The following KLHL29 variants were observed in gnomAD, a reference collection of about 807,000 sequenced individuals.
KLHL29 encodes the protein kelch like family member 29, also known as kelch-like protein 29.
In KLHL29, 21 loss-of-function variants were observed where a neutral mutation model predicts 80.4. That is an observed-to-expected ratio of 0.26 (90% confidence interval 0.19 to 0.38). KLHL29 has a LOEUF of 0.38. KLHL29 is among the 10% of genes least tolerant of loss of function. The pLI is 1.00. For synonymous variants in KLHL29, 511 were observed against 526.8 expected (o/e 0.97, Z 0.41); for missense variants, 867 against 1,223.9 (o/e 0.71, Z 4.35).
Position 23,530,032 on chromosome 2 carries a change from A to G in KLHL29, c.-45-32120A>G, listed in dbSNP as rs977104749. On this transcript the variant is annotated intron_variant, in intron 2 of 13. Coordinates refer to ENST00000486442, the MANE Select transcript of KLHL29 (RefSeq NM_052920.2). ...TCCGGCTCTTTCCATGTGCTCTTCA[A>G]TATGTGGCTTCAGTTCTGCAGGGCT... is the stretch of plus-strand genomic sequence containing the variant. Among the ~76,000 whole-genome samples the G allele has an allele frequency of 2.0e-5, 3 of 152,156 alleles. No homozygotes were observed. In the East Asian group the frequency reaches 5.8e-4, roughly 29 times the overall value.
chr2:23,678,225 G>A (rs958728751), intron 5 of KLHL29, among the ~76,000 whole-genome samples: 1 of 152,196 alleles, frequency 6.6e-6, no homozygotes, highest in Admixed American at 6.5e-5. Flanking sequence ...TCCAGCCCCA[G>A]GCAGAGCCTC....
At chr2:23,578,352 C>G (rs1667894555) in intron 3 of KLHL29, among the ~76,000 whole-genome samples, 1 of 152,182 alleles carries the variant, frequency 6.6e-6, no homozygotes, top group African/African-American at 2.4e-5. Context: ...CTCCCACTTT[C>G]TAACTGTGTG....
intron 6 of KLHL29, 155 bp from the exon 7 acceptor site, chr2:23,691,519 G>A (rs908151816): frequency 1.1e-5 from 7 of 623,028 alleles, no homozygotes; most frequent in African/African-American, 3.7e-5. Context: ...TTCAGATCCC[G>A]TGTCACAGCA....
At chr2:23,565,763 A>C (rs1667575400) in intron 3 of KLHL29, among the ~76,000 whole-genome samples, 1 of 152,174 alleles carries the variant, frequency 6.6e-6, no homozygotes, top group Non-Finnish European at 1.5e-5. Context: ...GAATGTATCC[A>C]CCGGGCTTCC....
intron 13 of KLHL29, among the ~76,000 whole-genome samples, chr2:23,704,230 G>A (rs1400889201): frequency 6.6e-6 from 1 of 152,226 alleles, no homozygotes; most frequent in Non-Finnish European, 1.5e-5. Context: ...TGCCCTACAG[G>A]GACAAGTGAC....
chr2:23,482,808 A>C (rs1038560107), intron 2 of KLHL29, among the ~76,000 whole-genome samples: 4 of 151,868 alleles, frequency 2.6e-5, no homozygotes, highest in Admixed American at 6.6e-5. Context: ...GTGAAACAGA[A>C]GAGTGTTGCA....
intron 1 of KLHL29, among the ~76,000 whole-genome samples, chr2:23,460,817 C>G (rs575301449): frequency 1.3e-5 from 2 of 150,786 alleles, no homozygotes; most frequent in South Asian, 4.2e-4. Flanking sequence ...AGCTCAGGAG[C>G]TTCCCGTGAA....
chr2:23,582,225 T>C (rs1346656461), intron 3 of KLHL29, among the ~76,000 whole-genome samples: 1 of 152,240 alleles, frequency 6.6e-6, no homozygotes, highest in Non-Finnish European at 1.5e-5. Flanking sequence ...GGTGGTGTGC[T>C]TTATGGTTTT....
At chr2:23,693,554 C>A in intron 8 of KLHL29, 26 bp downstream of exon 8, 1 of 1,536,780 alleles carries the variant, frequency 6.5e-7, no homozygotes, top group Non-Finnish European at 8.8e-7. Context: ...TCCCCCGCCC[C>A]TTCTCTCTGG....
At position 23,695,563 on chromosome 2, in the gene KLHL29, C is replaced by G. The variant is rs987799125; in HGVS notation, c.1543-60C>G. The stretch of plus-strand genomic sequence containing the variant: ...TGTGCAGCCCCACACCATTTCTTTC[C>G]GTCCGGGAGGTGGCTCTCTCTTGCT... On this transcript the variant is annotated intron_variant, in intron 8 of 13. Transcript: ENST00000486442. The surrounding 1 kb of genome is among the most constrained non-coding windows in gnomAD (Gnocchi z 7.6). 7 of 1,206,712 alleles carry G rather than the reference C, an allele frequency of 5.8e-6. 1 individual carries two copies. The South Asian group carries it at 1.0e-4, about 18-fold the overall frequency. 74.8% of individuals were successfully genotyped at this position (1,206,712 alleles called of 1,614,324 possible). A position where few individuals can be genotyped will look rare whatever the true frequency, so the allele number is the denominator to read the frequency against.
intron 3 of KLHL29, among the ~76,000 whole-genome samples, chr2:23,579,515 C>T (rs773420408): frequency 5.9e-5 from 9 of 152,090 alleles, no homozygotes; most frequent in Non-Finnish European, 1.3e-4. Context: ...TTCCCTCCCT[C>T]GCCATCCTCA....
intron 1 of KLHL29, among the ~76,000 whole-genome samples, chr2:23,400,501 C>T (rs533242946): frequency 6.6e-6 from 1 of 152,146 alleles, no homozygotes; most frequent in Non-Finnish European, 1.5e-5. Flanking sequence ...CAATGCTGGG[C>T]AGTATCTTAT....
intron 3 of KLHL29, among the ~76,000 whole-genome samples, chr2:23,618,654 C>T (rs997151094): frequency 6.6e-6 from 1 of 152,184 alleles, no homozygotes; most frequent in Non-Finnish European, 1.5e-5. Context: ...GATCGCGGGA[C>T]TTCTCGGCCT....
intron 5 of KLHL29, among the ~76,000 whole-genome samples, chr2:23,673,249 G>T (rs1670819158): frequency 8.3e-6 from 1 of 120,950 alleles, no homozygotes; most frequent in Non-Finnish European, 1.9e-5. Flanking sequence ...CACACCACGT[G>T]CTCACATGCA....
chr2:23,523,203 G>A lies in KLHL29; in HGVS notation c.-45-38949G>A, dbSNP rs563720271. Among the ~76,000 whole-genome samples the A allele has an allele frequency of 2.6e-5, 4 of 152,238 alleles. No individual in the cohort carries two copies. In the East Asian group the frequency reaches 5.8e-4, roughly 22 times the overall value. ...CTTTGCCACCTGGGTGCCTGTCAGCGGCAGCACGGTCCACCCCAGGGTGGG... is the reference window on the plus strand; with the variant it reads ...CTTTGCCACCTGGGTGCCTGTCAGCAGCAGCACGGTCCACCCCAGGGTGGG... On this transcript the variant is annotated intron_variant, in intron 2 of 13. Transcript: ENST00000486442.
At chr2:23,574,856 CG>C (rs1214246777) in intron 3 of KLHL29, among the ~76,000 whole-genome samples, 1 of 152,104 alleles carries the variant, frequency 6.6e-6, no homozygotes, top group Non-Finnish European at 1.5e-5. Context: ...ATGGGGGTGT[CG>C]GTCACAGGGA....
At chr2:23,555,886 G>C (rs1229623060) in intron 2 of KLHL29, among the ~76,000 whole-genome samples, 2 of 152,236 alleles carry the variant, frequency 1.3e-5, no homozygotes, top group Admixed American at 1.3e-4. Context: ...CCCCAGAGCT[G>C]GTGGATGTGG....
intron 2 of KLHL29, among the ~76,000 whole-genome samples, chr2:23,476,081 G>A (rs984004860): frequency 1.3e-5 from 2 of 152,006 alleles, no homozygotes; most frequent in African/African-American, 4.8e-5. Context: ...CACCATGTTG[G>A]CCAGGCTGGT....
chr2:23,474,688 G>A (rs1353782338), intron 1 of KLHL29, among the ~76,000 whole-genome samples: 5 of 152,120 alleles, frequency 3.3e-5, no homozygotes, highest in African/African-American at 1.2e-4. Context: ...TTGTCAGAGG[G>A]AAGCTGACCA....
Sources: gnomAD v4.1 joint callset for allele counts (sites outside exome capture counted in the v4.1 genomes callset) on GRCh38, gnomAD v4.1.1 for gene constraint, Gnocchi (gnomAD v3.1) non-coding constraint, MANE v1.5 for transcripts, NCBI Gene and HGNC (gene_info 2026-07-23, HGNC 2026-07-21) for gene names.